PRR12: variants seen among roughly 807,000 people sequenced by gnomAD.
PRR12 encodes proline-rich protein 12.
Under a neutral mutation model 138.0 loss-of-function variants are expected in PRR12, and 12 were observed. The ratio of observed to expected loss-of-function variants is 0.09; its 90% confidence interval spans 0.06 to 0.14. The LOEUF (loss-of-function observed/expected upper bound fraction) is 0.14, where lower values mean the gene tolerates loss of function less well. Ranked by LOEUF, PRR12 falls within the 10% of genes least tolerant of loss-of-function variation. The pLI is 1.00. For synonymous variants in PRR12, 1,567 were observed against 1,291.7 expected (o/e 1.21, Z -4.57); for missense variants, 2,692 against 2,861.3 (o/e 0.94, Z 1.35).
rs373164144 is a variant in PRR12, at chr19:49,625,088, T to C, written c.5869-17T>C. On this transcript the variant is annotated splice_polypyrimidine_tract_variant and intron_variant, in intron 12 of 13. Coordinates refer to ENST00000418929, the MANE Select transcript of PRR12 (RefSeq NM_020719.3). The surrounding 1 kb of genome is among the most constrained non-coding windows in gnomAD (Gnocchi z 5.5). ...GTGCCGGGCTGGAGGGGCTGAGGCA[T>C]CTCCACTCCTACCCAGGAGTTCAAG... The C allele has an allele frequency of 6.2e-7, 1 of 1,610,540 alleles. No homozygotes were observed. The highest frequency in any genetic ancestry group is 8.5e-7 in the Non-Finnish European group (1 of 1,176,942).
intron 11 of PRR12, among the ~76,000 whole-genome samples, chr19:49,622,815 C>T (rs1372799740): frequency 6.7e-6 from 1 of 149,428 alleles, no homozygotes; most frequent in Non-Finnish European, 1.5e-5. Context: ...AGGCGTGAAC[C>T]CGGGAGGCGG....
rs1295279915 is a variant in PRR12, at chr19:49,615,938, A to G, written c.5216A>G (p.Glu1739Gly). The G allele has an allele frequency of 3.2e-6, 5 of 1,554,412 alleles. No individual in the cohort carries two copies. In the South Asian group the frequency reaches 4.7e-5, roughly 15 times the overall value. ...AAGCCCTCCCTCCTGCGGCCTGTTG[A>G]GAAGGAAAAGGAGAAGGAGAAGGTG... Reference protein sequence around the residue: ...PEKPSLLRPVEKEKEKEKVTR... With the variant: ...PEKPSLLRPVGKEKEKEKVTR... Residue 1739 changes from glutamate to glycine, a missense_variant, in exon 9 of 14, where the codon GAG (glutamate) becomes GGG (glycine). By Grantham distance (98) the Glu-to-Gly change is moderately conservative (BLOSUM62 -2). Transcript: ENST00000418929.
chr19:49,597,946 G>T lies in PRR12; in HGVS notation c.3611G>T (p.Gly1204Val). The T allele has an allele frequency of 7.1e-7, 1 of 1,402,850 alleles. No individual in the cohort carries two copies. 86.9% of individuals were successfully genotyped at this position (1,402,850 alleles called of 1,614,324 possible). ...TDGAKKPRGR[G>V]RGRGRKAEEA... ...GGCGCCAAGAAACCCCGGGGCCGGG[G>T]CCGAGGCCGGGGTCGAAAGGCTGAG... Residue 1204 changes from glycine (G) to valine (V), a missense_variant, in exon 4 of 14, where the codon GGC (glycine) becomes GTC (valine). Around this residue, in one of 11 missense-constraint regions of PRR12, gnomAD observed 326 missense variants for 344.2 expected, o/e 0.95. Coordinates refer to ENST00000418929, the MANE Select transcript of PRR12 (RefSeq NM_020719.3). This position sits in a 1 kb window ranked among gnomAD's most constrained non-coding sequence, Gnocchi z 6.3.
Position 49,597,805 on chromosome 19 carries a change from G to A in PRR12, c.3470G>A (p.Arg1157His), listed in dbSNP as rs376473940. 1.9e-6 allele frequency: 3 copies of A among 1,558,818 alleles called. No individual in the cohort carries two copies. The highest frequency in any genetic ancestry group is 1.2e-5 in the South Asian group (1 of 83,816). The part of the protein sequence containing the change: ...PGPDGPRRRG[R>H]KPTKAKRDGP... Reference sequence around the variant, plus strand: ...CCCGATGGCCCCCGGCGCCGTGGCCGCAAGCCCACGAAGGCGAAACGTGAT... The same window carrying A: ...CCCGATGGCCCCCGGCGCCGTGGCCACAAGCCCACGAAGGCGAAACGTGAT... Residue 1157 changes from arginine to histidine, a missense_variant, in exon 4 of 14, where the codon CGC (arginine) becomes CAC (histidine). Physicochemically the swap from Arg to His is conservative, Grantham distance 29 (BLOSUM62 0). Transcript: ENST00000418929. This position sits in a 1 kb window ranked among gnomAD's most constrained non-coding sequence, Gnocchi z 6.3.
chr19:49,613,672 T>C (rs2080877687), intron 6 of PRR12, among the ~76,000 whole-genome samples: 1 of 152,224 alleles, frequency 6.6e-6, no homozygotes, highest in Admixed American at 6.5e-5. Flanking sequence ...CTGCCTGTTC[T>C]TGGCACAGGC....
rs1239026018 is a variant in PRR12 at position 49,597,436 on chromosome 19, C to T, written c.3101C>T (p.Pro1034Leu). ...CCGCTGGGCCTGATCCAGAGTGGCC[C>T]CCACCAGGCGGCGCCACCACCCCCG... Reference protein sequence around the residue: ...AEPLGLIQSGPHQAAPPPPPP... With the variant: ...AEPLGLIQSGLHQAAPPPPPP... The change falls in exon 4 of 14, where the codon CCC becomes CTC. Residue 1034 changes from proline (P) to leucine (L), a missense_variant. Transcript: ENST00000418929. The surrounding 1 kb of genome is among the most constrained non-coding windows in gnomAD (Gnocchi z 6.3). 10 of 1,538,304 alleles carry T rather than the reference C, an allele frequency of 6.5e-6. No individual in the cohort carries two copies. The highest frequency in any genetic ancestry group is 1.4e-5 in the African/African-American group (1 of 72,972).
intron 11 of PRR12, 142 bp downstream of exon 11, chr19:49,621,764 G>A: frequency 1.5e-6 from 1 of 670,958 alleles, no homozygotes; most frequent in East Asian, 2.7e-5. Flanking sequence ...GTTGAGGGCA[G>A]GACTGTCAGG....
chr19:49,603,039 T>C (rs559431422), intron 6 of PRR12, among the ~76,000 whole-genome samples: 1 of 152,368 alleles, frequency 6.6e-6, no homozygotes, highest in African/African-American at 2.4e-5. Flanking sequence ...ATTTACATGT[T>C]GTCTATGGCT....
At chr19:49,624,012 C>A (rs1295179219) in intron 11 of PRR12, among the ~76,000 whole-genome samples, 1 of 147,774 alleles carries the variant, frequency 6.8e-6, no homozygotes, top group Non-Finnish European at 1.5e-5. Context: ...TAGGATGAGA[C>A]CGAGAATTCT....
Position 49,591,727 on chromosome 19 carries a change from T to A in PRR12, c.73T>A (p.Ser25Thr). The A allele has an allele frequency of 6.7e-7, 1 of 1,490,976 alleles. No individual in the cohort carries two copies. Among genetic ancestry groups the A allele is most frequent in the East Asian group, 2.9e-5 (1 of 35,086 alleles). The allele number at this position is 1,490,976 out of a possible 1,614,324, so 92.4% of individuals were successfully genotyped here. ...GAGAGWSYER[S>T]AKASLVYGSS... Reference sequence around the variant, plus strand: ...CGGGGCGGGATGGAGTTACGAGAGGTCAGCGAAAGCTAGGTAAGGAGCTGA... The same window carrying A: ...CGGGGCGGGATGGAGTTACGAGAGGACAGCGAAAGCTAGGTAAGGAGCTGA... The change falls in exon 1 of 14, where the codon TCA becomes ACA. Residue 25 changes from serine to threonine, a missense_variant. By Grantham distance (58) the Ser-to-Thr change is moderately conservative (BLOSUM62 1). Transcript: ENST00000418929.
chr19:49,593,232 T>C (rs1225869087), intron 1 of PRR12, 95 bp from the exon 2 acceptor site: 4 of 541,122 alleles, frequency 7.4e-6, no homozygotes, highest in South Asian at 4.7e-5. Context: ...CCCGGTCAGC[T>C]GGAAGGGTCC....
In PRR12 at chr19:49,614,996, C is replaced by T. The variant is rs774389173; in HGVS notation, c.5011C>T (p.Pro1671Ser). 68 of 1,613,806 alleles carry T rather than the reference C, an allele frequency of 4.2e-5. No homozygotes were observed. Among genetic ancestry groups the T allele is most frequent in the Non-Finnish European group, 5.3e-5 (63 of 1,179,886 alleles). Reference sequence around the variant, plus strand: ...TGCTCGGAAACCCTGGCATCGGCCCCCAGTGCCAGTCAGGTACCAACCATG... The same window carrying T: ...TGCTCGGAAACCCTGGCATCGGCCCTCAGTGCCAGTCAGGTACCAACCATG... ...VCARKPWHRP[P>S]VPVRRSGQAK... is the part of the protein sequence containing the mutation. The change falls in exon 8 of 14, where the codon CCA (proline) becomes TCA (serine). Residue 1671 changes from proline to serine, a missense_variant. Transcript: ENST00000418929. The surrounding 1 kb of genome is among the most constrained non-coding windows in gnomAD (Gnocchi z 5.0).
chr19:49,606,372 C>T (rs1488993927), intron 6 of PRR12, among the ~76,000 whole-genome samples: 3 of 149,756 alleles, frequency 2.0e-5, no homozygotes, highest in Middle Eastern at 3.5e-3. Flanking sequence ...AGTGCAGTGG[C>T]GCAATCTTGG....
Position 49,594,416 on chromosome 19 carries a change from C to A in PRR12, c.200-38C>A. On this transcript the variant is annotated intron_variant, in intron 2 of 13. Transcript: ENST00000418929. This position sits in a 1 kb window ranked among gnomAD's most constrained non-coding sequence, Gnocchi z 5.6. ...TTCTCTCTTGACTGTATCCTACCCA[C>A]CCCCACCTGGCTGACTATAACCCCT... is the stretch of plus-strand genomic sequence containing the variant. The A allele has an allele frequency of 6.6e-7, 1 of 1,511,014 alleles. No individual in the cohort carries two copies. Among genetic ancestry groups the A allele is most frequent in the Non-Finnish European group, 8.9e-7 (1 of 1,124,610 alleles). The allele number at this position is 1,511,014 out of a possible 1,614,324, so 93.6% of individuals were successfully genotyped here.
In PRR12 at chr19:49,601,740, C is replaced by T. The variant is rs1409111260; in HGVS notation, c.4595C>T (p.Ala1532Val). 2 of 1,553,686 alleles carry T rather than the reference C, an allele frequency of 1.3e-6. No individual in the cohort carries two copies. The highest frequency in any genetic ancestry group is 1.9e-5 in the Admixed American group (1 of 51,450). Reference protein sequence around the residue: ...PLAAPPEEPAAPSPEDPELPD... With the variant: ...PLAAPPEEPAVPSPEDPELPD... ...GCTGCTCCTCCTGAGGAGCCCGCCG[C>T]CCCGTCTCCCGAAGACCCCGAGCTG... Residue 1532 changes from alanine to valine, a missense_variant, in exon 6 of 14, where the codon GCC becomes GTC. Ala to Val is a moderately conservative substitution (Grantham distance 64). Transcript: ENST00000418929.
intron 11 of PRR12, 117 bp downstream of exon 11, chr19:49,621,739 T>G (rs1446113553): frequency 2.4e-6 from 2 of 825,616 alleles, no homozygotes; most frequent in Non-Finnish European, 3.9e-6. Context: ...CCTTCTGGGC[T>G]CAGATGGGAG....
chr19:49,595,788 G>T lies in PRR12; in HGVS notation c.1453G>T (p.Gly485Cys). 6.3e-7 allele frequency: 1 copy of T among 1,596,556 alleles called. No individual in the cohort carries two copies. ...AGGGGGCCCCCCACAGCCCCCCAGC[G>T]GCCCCCCTCCTCCTGGCCTGGCCAC... ...YSGGPPQPPS[G>C]PPPPGLATCQ... The change falls in exon 4 of 14, where the codon GGC becomes TGC. Residue 485 changes from glycine to cysteine, a missense_variant. Around this residue, in one of 11 missense-constraint regions of PRR12, gnomAD observed 523 missense variants for 496.4 expected, o/e 1.05. Transcript: ENST00000418929.
In PRR12 at chr19:49,597,237, C is replaced by G. The variant is rs369345532; in HGVS notation, c.2902C>G (p.Pro968Ala). Residue 968 changes from proline (P) to alanine (A), a missense_variant, in exon 4 of 14, where the codon CCT becomes GCT. By Grantham distance (27) the Pro-to-Ala change is conservative (BLOSUM62 -1). Around this residue, in one of 11 missense-constraint regions of PRR12, gnomAD observed 840 missense variants for 689.8 expected, o/e 1.22. Transcript: ENST00000418929. The surrounding 1 kb of genome is among the most constrained non-coding windows in gnomAD (Gnocchi z 6.3). The stretch of plus-strand genomic sequence containing the variant: ...GGACGACTACGGCAAGGCCGGGCCA[C>G]CTGAGGACGAGGGGGACCCCAAGGC... ...AADDYGKAGP[P>A]EDEGDPKAGA... 6.8e-5 allele frequency: 106 copies of G among 1,570,312 alleles called. No homozygotes were observed. In the African/African-American group the frequency reaches 1.0e-3, roughly 16 times the overall value.
chr19:49,619,604 C>T (rs533232737), intron 9 of PRR12, among the ~76,000 whole-genome samples: 4 of 127,326 alleles, frequency 3.1e-5, no homozygotes, highest in African/African-American at 1.3e-4. Context: ...TACAATTGTG[C>T]GATCTCGGCT....
Sources: allele counts gnomAD v4.1 joint callset (sites outside exome capture counted in the v4.1 genomes callset), GRCh38; gene constraint gnomAD v4.1.1; regional missense constraint gnomAD v4.1.1; non-coding constraint Gnocchi (gnomAD v3.1); transcripts MANE v1.5; gene names NCBI Gene and HGNC (gene_info 2026-07-23, HGNC 2026-07-21).